Variants in ANO4 observed in about 807,000 individuals in gnomAD.
ANO4 encodes the protein anoctamin-4.
Under a neutral mutation model 141.9 loss-of-function variants are expected in ANO4, and 69 were observed. That is an observed-to-expected ratio of 0.49 (90% CI 0.40 to 0.59). ANO4 has a LOEUF of 0.59. ANO4 is among the 20% of genes least tolerant of loss of function. ANO4 has a pLI of 0.00. For synonymous variants in ANO4, 350 were observed against 394.3 expected (o/e 0.89, Z 1.33); for missense variants, 894 against 1,162.2 (o/e 0.77, Z 3.36).
chr12:100,857,726 A>G (rs1593536952), intron 1 of ANO4, among the ~76,000 whole-genome samples: 1 of 152,134 alleles, frequency 6.6e-6, no homozygotes, highest in Non-Finnish European at 1.5e-5. Context: ...GAGTGGCAGG[A>G]TGTGGGATGA....
At chr12:100,960,865 C>G (rs143978255) in intron 5 of ANO4, among the ~76,000 whole-genome samples, 1 of 152,152 alleles carries the variant, frequency 6.6e-6, no homozygotes, top group Non-Finnish European at 1.5e-5. Flanking sequence ...CAGTTTATCT[C>G]ATATACCATC....
At chr12:101,106,253 A>G (rs2050436474) in intron 22 of ANO4, among the ~76,000 whole-genome samples, 1 of 152,206 alleles carries the variant, frequency 6.6e-6, no homozygotes, top group African/African-American at 2.4e-5. Context: ...AAACATGCAA[A>G]ACAGCCAAAA....
chr12:100,806,524 GTTTTTTTTTTTTTTTTTTTT>G (rs763949654), intron 1 of ANO4, among the ~76,000 whole-genome samples: 10 of 59,834 alleles, frequency 1.7e-4, no homozygotes, highest in Admixed American at 5.0e-4. Flanking sequence ...TTTTTGTTTC[GTTTTTTTTTTTTTTTTTTTT>G]TTTTTTTTTT....
chr12:101,116,621 A>G, intron 24 of ANO4, 58 bp from the exon 25 acceptor site: 1 of 1,612,736 alleles, frequency 6.2e-7, no homozygotes, highest in Middle Eastern at 1.7e-4. Flanking sequence ...GTCTTCAGGG[A>G]ACTGGATACA....
At chr12:100,973,133 A>G (rs1017508902) in intron 6 of ANO4, among the ~76,000 whole-genome samples, 1 of 152,244 alleles carries the variant, frequency 6.6e-6, no homozygotes, top group Non-Finnish European at 1.5e-5. Flanking sequence ...TTAATGTGTG[A>G]CACTAATTGA....
chr12:100,878,432 T>G (rs900330438), intron 1 of ANO4, among the ~76,000 whole-genome samples: 1 of 152,232 alleles, frequency 6.6e-6, no homozygotes, highest in African/African-American at 2.4e-5. Flanking sequence ...TGATGACACC[T>G]CTTGGTGAAA....
intron 1 of ANO4, among the ~76,000 whole-genome samples, chr12:100,887,315 T>C (rs1049303181): frequency 2.6e-5 from 4 of 152,260 alleles, no homozygotes; most frequent in Non-Finnish European, 4.4e-5. Flanking sequence ...TTGCAGAGTA[T>C]ACTTTTTCAT....
At chr12:101,055,609 C>T (rs2048083651) in intron 14 of ANO4, among the ~76,000 whole-genome samples, 1 of 152,056 alleles carries the variant, frequency 6.6e-6, no homozygotes, top group African/African-American at 2.4e-5. Flanking sequence ...AAATTTTTTT[C>T]CCTGTCTGAG....
chr12:100,738,340 T>G (rs973551564), intron 2 of ANO4, among the ~76,000 whole-genome samples: 2 of 152,208 alleles, frequency 1.3e-5, no homozygotes, highest in African/African-American at 4.8e-5. Context: ...GCTTCATTGT[T>G]GCTTTTAAAT....
intron 5 of ANO4, among the ~76,000 whole-genome samples, chr12:100,950,456 A>G (rs2042925586): frequency 6.6e-6 from 1 of 152,224 alleles, no homozygotes; most frequent in Admixed American, 6.5e-5. Context: ...TACCAATGTC[A>G]GTCCACACTT....
At chr12:100,765,917 A>C (rs2033063317) in intron 3 of ANO4, among the ~76,000 whole-genome samples, 3 of 151,628 alleles carry the variant, frequency 2.0e-5, no homozygotes, top group Admixed American at 6.6e-5. Context: ...GTTTTGAAAT[A>C]TACAATGTGT....
intron 3 of ANO4, among the ~76,000 whole-genome samples, chr12:100,923,212 G>A (rs1260269190): frequency 6.6e-6 from 1 of 152,040 alleles, no homozygotes; most frequent in Non-Finnish European, 1.5e-5. Context: ...AGGTATACAT[G>A]TGCCATGTTG....
chr12:100,989,165 G>C (rs1359174605), intron 8 of ANO4, among the ~76,000 whole-genome samples: 1 of 152,116 alleles, frequency 6.6e-6, no homozygotes, highest in East Asian at 1.9e-4. Context: ...TGCAGTATGT[G>C]AACATTTGAA....
intron 13 of ANO4, among the ~76,000 whole-genome samples, chr12:101,044,069 C>T (rs947096011): frequency 1.3e-5 from 2 of 152,288 alleles, no homozygotes; most frequent in South Asian, 4.1e-4. Context: ...CAGTAAATGA[C>T]AGCTATCATC....
At chr12:100,857,507 G>C (rs917348099) in intron 1 of ANO4, among the ~76,000 whole-genome samples, 2 of 151,962 alleles carry the variant, frequency 1.3e-5, no homozygotes, top group Admixed American at 1.3e-4. Context: ...ACTTGCACAC[G>C]GTCACTAACT....
At chr12:100,857,114 A>G (rs1406011129) in intron 1 of ANO4, among the ~76,000 whole-genome samples, 3 of 152,114 alleles carry the variant, frequency 2.0e-5, no homozygotes, top group East Asian at 3.9e-4. Flanking sequence ...TGGAGACTCA[A>G]ATGTTCCTGA....
intron 3 of ANO4, among the ~76,000 whole-genome samples, chr12:100,749,998 C>T (rs919721852): frequency 6.6e-6 from 1 of 152,128 alleles, no homozygotes; most frequent in Non-Finnish European, 1.5e-5. Flanking sequence ...GATACTGAAG[C>T]TTCATAGTTT....
At chr12:100,957,079 C>T (rs2043200236) in intron 5 of ANO4, among the ~76,000 whole-genome samples, 1 of 152,100 alleles carries the variant, frequency 6.6e-6, no homozygotes, top group South Asian at 2.1e-4. Context: ...TTTTGTGTTG[C>T]CACAACAGAA....
chr12:101,093,100 T>C (rs999971361), intron 17 of ANO4, among the ~76,000 whole-genome samples: 1 of 152,154 alleles, frequency 6.6e-6, no homozygotes, highest in African/African-American at 2.4e-5. Context: ...ATGACACCAA[T>C]CTCCATTACC....
Sources: gnomAD v4.1 joint callset for allele counts (sites outside exome capture counted in the v4.1 genomes callset) on GRCh38, gnomAD v4.1.1 for gene constraint, MANE v1.5 for transcripts, NCBI Gene and HGNC (gene_info 2026-07-23, HGNC 2026-07-21) for gene names.